PLEKHG2: variants seen among roughly 807,000 people sequenced by gnomAD.
The protein encoded by PLEKHG2 is pleckstrin homology and RhoGEF domain containing G2.
PLEKHG2 carries 71 observed loss-of-function variants against 104.4 expected under a neutral mutation model. The ratio of observed to expected loss-of-function variants is 0.68; its 90% CI spans 0.56 to 0.83. PLEKHG2 has a LOEUF of 0.83. PLEKHG2 is among the 40% of genes least tolerant of loss of function. The probability of loss-of-function intolerance (pLI) is 0.00; values close to 1 mark genes in which losing one functional copy is unlikely to be tolerated. For synonymous variants in PLEKHG2, 728 were observed against 737.0 expected (o/e 0.99, Z 0.20); for missense variants, 1,730 against 1,809.4 (o/e 0.96, Z 0.80).
chr19:39,419,192 A>G (rs2078657971), intron 11 of PLEKHG2, among the ~76,000 whole-genome samples, 189 bp downstream of exon 11: 1 of 152,184 alleles, frequency 6.6e-6, no homozygotes, highest in African/African-American at 2.4e-5. Context: ...TGGGCAAGTA[A>G]CTTAACCTCT....
Position 39,420,843 on chromosome 19 carries a change from A to G in PLEKHG2, c.1390A>G (p.Arg464Gly), listed in dbSNP as rs758336938. 2 of 1,614,180 alleles carry G rather than the reference A, an allele frequency of 1.2e-6. No individual in the cohort carries two copies. Among genetic ancestry groups the G allele is most frequent in the Non-Finnish European group, 1.7e-6 (2 of 1,180,038 alleles). Reference protein sequence around the residue: ...RDARSFTPGRRNTAPSPGPSV... With the variant: ...RDARSFTPGRGNTAPSPGPSV... Reference sequence around the variant, plus strand: ...TGCTAGAAGTTTTACCCCTGGGCGAAGGAACACAGGTAAAGGCGGTGGATC... The same window carrying G: ...TGCTAGAAGTTTTACCCCTGGGCGAGGGAACACAGGTAAAGGCGGTGGATC... The change falls in exon 13 of 19, where the codon AGG (arginine) becomes GGG (glycine). Residue 464 changes from arginine to glycine, a missense_variant. Physicochemically the swap from Arg to Gly is moderately radical, Grantham distance 125 (BLOSUM62 -2). Transcript: ENST00000425673.
In PLEKHG2 at chr19:39,416,281, T is replaced by G. The variant is rs2078601389; in HGVS notation, c.480-67T>G. ...CCAGCAGACCATTGGGGCCTCAGCC[T>G]CCTGGAGGCCTCCCATGGAGGGGTC... On this transcript the variant is annotated intron_variant, in intron 4 of 18. Coordinates refer to ENST00000425673, the MANE Select transcript of PLEKHG2 (RefSeq NM_022835.3). This position sits in a 1 kb window ranked among gnomAD's most constrained non-coding sequence, Gnocchi z 4.5. 1 of 1,544,144 alleles carries G rather than the reference T, an allele frequency of 6.5e-7. No individual in the cohort carries two copies. Among genetic ancestry groups the G allele is most frequent in the Non-Finnish European group, 8.9e-7 (1 of 1,121,148 alleles).
chr19:39,426,392 C>G lies in PLEKHG2; in HGVS notation c.*1098C>G, dbSNP rs971758056. The G allele has an allele frequency of 1.3e-5, 2 of 152,270 alleles. No individual in the cohort carries two copies. The highest frequency in any genetic ancestry group is 2.9e-5 in the Non-Finnish European group (2 of 68,062). The allele number at this position is 152,270 out of a possible 1,614,324, so 9.4% of individuals were successfully genotyped here. ...CCTCCCCCAGCAAAATAATTCAGGT[C>G]GTGGAGACAAAAGGCTTTTATGTTA... On this transcript the variant is annotated 3_prime_UTR_variant, in exon 19 of 19. Coordinates refer to ENST00000425673, the MANE Select transcript of PLEKHG2 (RefSeq NM_022835.3).
rs772547333 is a variant in PLEKHG2 at position 39,423,074 on chromosome 19, A to G, written c.2020A>G (p.Ile674Val). The stretch of plus-strand genomic sequence containing the variant: ...TTTTGAGATGCCCTGCCTTCCAGCC[A>G]TACCTAGTGTCCCCAACACCCCCAG... ...DVFEMPCLPA[I>V]PSVPNTPSLS... The change falls in exon 18 of 19, where the codon ATA becomes GTA. Residue 674 changes from isoleucine (I) to valine (V), a missense_variant. Physicochemically the swap from Ile to Val is conservative, Grantham distance 29. Coordinates refer to ENST00000425673, the MANE Select transcript of PLEKHG2 (RefSeq NM_022835.3). 17 of 1,613,960 alleles carry G rather than the reference A, an allele frequency of 1.1e-5. No individual in the cohort carries two copies. The highest frequency in any genetic ancestry group is 1.2e-5 in the Non-Finnish European group (14 of 1,180,002).
At chr19:39,420,017 C>T (rs1452093636) in intron 11 of PLEKHG2, among the ~76,000 whole-genome samples, 1 of 152,112 alleles carries the variant, frequency 6.6e-6, no homozygotes, top group African/African-American at 2.4e-5. Flanking sequence ...CATGCCATTG[C>T]ACTCCAGCCT....
At chr19:39,417,824 C>T (rs998475954) in intron 8 of PLEKHG2, 81 bp from the exon 9 acceptor site, 12 of 1,495,850 alleles carry the variant, frequency 8.0e-6, no homozygotes, top group Non-Finnish European at 1.1e-5. Flanking sequence ...CTGTTGCTAA[C>T]CCCCTGTTTT....
At chr19:39,421,035 T>C in intron 14 of PLEKHG2, 39 bp downstream of exon 14, 1 of 1,613,818 alleles carries the variant, frequency 6.2e-7, no homozygotes, top group Non-Finnish European at 8.5e-7. Context: ...GGCATCGGGG[T>C]GGGAGCTGGG....
chr19:39,420,894 T>C (rs772193108), intron 13 of PLEKHG2, 42 bp downstream of exon 13: 6 of 1,613,910 alleles, frequency 3.7e-6, no homozygotes, highest in Non-Finnish European at 3.4e-6. Flanking sequence ...TCAGCCCCAC[T>C]TCCCTAGGAC....
Position 39,415,579 on chromosome 19 carries a change from T to A in PLEKHG2, c.479+140T>A, listed in dbSNP as rs1260677882. ...TTGGGCAAGGATCAGGGATCACGAC[T>A]GGGAGGGAGGACCCCGAGTGAGGGA... On this transcript the variant is annotated intron_variant, in intron 4 of 18. Coordinates refer to ENST00000425673, the MANE Select transcript of PLEKHG2 (RefSeq NM_022835.3). This position sits in a 1 kb window ranked among gnomAD's most constrained non-coding sequence, Gnocchi z 4.6. 3.1e-6 allele frequency: 3 copies of A among 959,582 alleles called. No homozygotes were observed. In the Admixed American group the frequency reaches 7.1e-5, roughly 23 times the overall value. 59.4% of individuals were successfully genotyped at this position (959,582 alleles called of 1,614,324 possible).
chr19:39,418,029 T>G lies in PLEKHG2; in HGVS notation c.1007T>G (p.Leu336Arg). The G allele has an allele frequency of 1.9e-6, 3 of 1,559,652 alleles. No individual in the cohort carries two copies. Among genetic ancestry groups the G allele is most frequent in the Non-Finnish European group, 2.6e-6 (3 of 1,153,292 alleles). ...CCCCGGCTACGAGGGGGTGAGCGGC[T>G]GCTCTTCCTGTTCTCTCGGATGCTG... ...GGPRLRGGER[L>R]LFLFSRMLLV... Residue 336 changes from leucine to arginine, a missense_variant, in exon 9 of 19, where the codon CTG (leucine) becomes CGG (arginine). Coordinates refer to ENST00000425673, the MANE Select transcript of PLEKHG2 (RefSeq NM_022835.3).
Position 39,420,638 on chromosome 19 carries a change from C to T in PLEKHG2, c.1276C>T (p.Leu426Phe). The change falls in exon 12 of 19, where the codon CTC becomes TTC. Residue 426 changes from leucine to phenylalanine, a missense_variant. By Grantham distance (22) the Leu-to-Phe change is conservative. Transcript: ENST00000425673. ...TCCTGTCTTTCAGGCAAAGCAAGTT[C>T]TCCTTGAAAACAGCCTGCATTGTGA... is the stretch of plus-strand genomic sequence containing the variant. ...ASIPAKAKQVLLENSLHCAPK... is the reference protein window; with the variant it reads ...ASIPAKAKQVFLENSLHCAPK... 2 of 1,614,182 alleles carry T rather than the reference C, an allele frequency of 1.2e-6. No individual in the cohort carries two copies. Among genetic ancestry groups the T allele is most frequent in the Admixed American group, 1.7e-5 (1 of 60,016 alleles).
At position 39,416,606 on chromosome 19, in the gene PLEKHG2, C is replaced by T; in HGVS notation, c.593+9C>T. On this transcript the variant is annotated intron_variant, in intron 6 of 18. Coordinates refer to ENST00000425673, the MANE Select transcript of PLEKHG2 (RefSeq NM_022835.3). This position sits in a 1 kb window ranked among gnomAD's most constrained non-coding sequence, Gnocchi z 4.5. ...TGCATGAACTACCCGAGGTGAGGGG[C>T]AGGAGCCCCTGCTGGGCCTCAGGCT... is the stretch of plus-strand genomic sequence containing the variant. The T allele has an allele frequency of 6.2e-7, 1 of 1,613,780 alleles. No individual in the cohort carries two copies. The highest frequency in any genetic ancestry group is 1.1e-5 in the South Asian group (1 of 91,078).
chr19:39,423,272 T>C lies in PLEKHG2; in HGVS notation c.2218T>C (p.Ser740Pro). Residue 740 changes from serine (S) to proline (P), a missense_variant, in exon 18 of 19, where the codon TCA becomes CCA. Ser to Pro is a moderately conservative substitution (Grantham distance 74). Transcript: ENST00000425673. Reference protein sequence around the residue: ...AGPEEDEEGVSFTDFQPQDVT... With the variant: ...AGPEEDEEGVPFTDFQPQDVT... ...GCCAGAGGAGGATGAAGAAGGGGTA[T>C]CATTCACAGACTTCCAGCCCCAGGA... The C allele has an allele frequency of 3.1e-6, 5 of 1,614,026 alleles. No individual in the cohort carries two copies. Among genetic ancestry groups the C allele is most frequent in the Non-Finnish European group, 4.2e-6 (5 of 1,179,894 alleles).
rs1291231809 is a variant in PLEKHG2, at chr19:39,417,983, C to T, written c.961C>T (p.Arg321Ter). 10 of 1,549,894 alleles carry T rather than the reference C, an allele frequency of 6.5e-6. No individual in the cohort carries two copies. The highest frequency in any genetic ancestry group is 2.0e-5 in the Admixed American group (1 of 50,440). Residue 321 changes from arginine (R) to a stop codon, truncating the protein, a stop_gained, in exon 9 of 19, where the codon CGA (arginine) becomes TGA (stop). Transcript: ENST00000425673. LOFTEE classifies it high-confidence loss of function. ...GGAACTGGTGTTGGAGGGCGCGTTC[C>T]GAGGAGGCGGAGGGGGTGGCCCCCG... ...FGELVLEGAF[R>*]GGGGGGPRLR...
intron 2 of PLEKHG2, 138 bp downstream of exon 2, chr19:39,414,333 A>G: frequency 1.2e-6 from 1 of 822,644 alleles, no homozygotes; most frequent in Non-Finnish European, 1.9e-6. Context: ...GCCCATCCCC[A>G]GGCAATGACA....
chr19:39,414,934 G>C, intron 2 of PLEKHG2, 58 bp from the exon 3 acceptor site: 2 of 1,503,616 alleles, frequency 1.3e-6, no homozygotes, highest in East Asian at 4.8e-5. Context: ...CGCATGAAAG[G>C]CTGTGGAAGT....
Position 39,420,781 on chromosome 19 carries a change from C to T in PLEKHG2, c.1328C>T (p.Pro443Leu). Reference sequence around the variant, plus strand: ...CCCAAAAGTAAGCCTGTCCTAGAGCCCCTGACACCCCCACTTGGGTCTCCT... The same window carrying T: ...CCCAAAAGTAAGCCTGTCCTAGAGCTCCTGACACCCCCACTTGGGTCTCCT... Reference protein sequence around the residue: ...CAPKSKPVLEPLTPPLGSPRP... With the variant: ...CAPKSKPVLELLTPPLGSPRP... Residue 443 changes from proline to leucine, a missense_variant, in exon 13 of 19, where the codon CCC (proline) becomes CTC (leucine). Coordinates refer to ENST00000425673, the MANE Select transcript of PLEKHG2 (RefSeq NM_022835.3). 6.2e-7 allele frequency: 1 copy of T among 1,614,168 alleles called. No homozygotes were observed. The highest frequency in any genetic ancestry group is 8.5e-7 in the Non-Finnish European group (1 of 1,180,032).
intron 11 of PLEKHG2, 99 bp from the exon 12 acceptor site, chr19:39,420,527 A>G: frequency 6.6e-7 from 1 of 1,514,714 alleles, no homozygotes; most frequent in Non-Finnish European, 9.2e-7. Context: ...TAAAAACAAA[A>G]ACAGCACCCA....
At position 39,425,543 on chromosome 19, in the gene PLEKHG2, C is replaced by T. The variant is rs760153115; in HGVS notation, c.*249C>T. The T allele has an allele frequency of 3.5e-5, 20 of 567,086 alleles. No homozygotes were observed. The highest frequency in any genetic ancestry group is 5.3e-5 in the Non-Finnish European group (19 of 356,960). 35.1% of individuals were successfully genotyped at this position (567,086 alleles called of 1,614,324 possible). A position where few individuals can be genotyped will look rare whatever the true frequency, so the allele number is the denominator to read the frequency against. On this transcript the variant is annotated 3_prime_UTR_variant, in exon 19 of 19. Coordinates refer to ENST00000425673, the MANE Select transcript of PLEKHG2 (RefSeq NM_022835.3). ...GATGTGTATTTTCCCATTCTGGAGGCTGTGGGAGATGACAAGACAATGAAT... is the reference window on the plus strand; with the variant it reads ...GATGTGTATTTTCCCATTCTGGAGGTTGTGGGAGATGACAAGACAATGAAT...
Sources: allele counts gnomAD v4.1 joint callset (sites outside exome capture counted in the v4.1 genomes callset), GRCh38; gene constraint gnomAD v4.1.1; non-coding constraint Gnocchi (gnomAD v3.1); transcripts MANE v1.5; gene names NCBI Gene and HGNC (gene_info 2026-07-23, HGNC 2026-07-21).